Variants in NYAP2 observed in about 807,000 individuals in gnomAD.
The protein encoded by NYAP2 is neuronal tyrosine-phosphorylated phosphoinositide-3-kinase adapter 2.
Under a neutral mutation model 50.4 loss-of-function variants are expected in NYAP2, and 23 were observed. That is an observed-to-expected ratio of 0.46 (90% confidence interval 0.33 to 0.65). The LOEUF is 0.65. Ranked by LOEUF, NYAP2 falls within the 30% of genes least tolerant of loss-of-function variation. NYAP2 has a pLI of 0.02. For synonymous variants in NYAP2, 394 were observed against 365.2 expected, an observed-to-expected ratio of 1.08 and a Z score of -0.90; for missense variants, 885 against 861.0, an observed-to-expected ratio of 1.03 and a Z score of -0.35.
chr2:225,440,378 C>G (rs557027838), intron 3 of NYAP2, among the ~76,000 whole-genome samples: 6 of 152,064 alleles, frequency 3.9e-5, no homozygotes, highest in Non-Finnish European at 7.4e-5. Context: ...CTGGTTTTAC[C>G]TGAATAATTT....
At chr2:225,497,371 C>A (rs992436133) in intron 3 of NYAP2, among the ~76,000 whole-genome samples, 1 of 152,260 alleles carries the variant, frequency 6.6e-6, no homozygotes, top group Non-Finnish European at 1.5e-5. Context: ...TCTTAAGTAG[C>A]GTCTTTAGTG....
rs367937251 is a variant in NYAP2, at chr2:225,457,722, AAC to A, written c.221+48625_221+48626del. 4.0e-4 allele frequency among the ~76,000 whole-genome samples: 61 copies of A among 152,338 alleles called. 2 individuals are homozygous for A. Among genetic ancestry groups the A allele is most frequent in the African/African-American group, 1.4e-3 (57 of 41,576 alleles). On this transcript the variant is annotated intron_variant, in intron 3 of 6. Coordinates refer to ENST00000636099, the Ensembl canonical transcript of NYAP2. Reference sequence around the variant, plus strand: ...TATTGGCCCCAAGAGTGTATTTGTGAACACAGAGAGATAAATGTAATTCATTA... The same window carrying A: ...TATTGGCCCCAAGAGTGTATTTGTGAACAGAGAGATAAATGTAATTCATTA...
chr2:225,525,894 C>T (rs756462051), intron 4 of NYAP2, among the ~76,000 whole-genome samples: 3 of 152,114 alleles, frequency 2.0e-5, no homozygotes, highest in Non-Finnish European at 2.9e-5. Flanking sequence ...ATCTTTGGAC[C>T]TGAGGCACAG....
intron 3 of NYAP2, among the ~76,000 whole-genome samples, chr2:225,409,417 C>A (rs1694995672): frequency 6.6e-6 from 1 of 152,038 alleles, no homozygotes; most frequent in South Asian, 2.1e-4. Flanking sequence ...ACACACAAAC[C>A]TTTTAATAGC....
intron 3 of NYAP2, among the ~76,000 whole-genome samples, chr2:225,504,526 A>G (rs1251800027): frequency 6.6e-6 from 1 of 152,156 alleles, no homozygotes; most frequent in Non-Finnish European, 1.5e-5. Context: ...ATTTTACTTT[A>G]TAACAACCCT....
At chr2:225,635,023 T>A (rs544264888) in intron 6 of NYAP2, among the ~76,000 whole-genome samples, 9 of 152,210 alleles carry the variant, frequency 5.9e-5, no homozygotes, top group Non-Finnish European at 1.2e-4. Flanking sequence ...CTAAAACATA[T>A]TTCCCGTACT....
At chr2:225,619,978 A>C (rs1288738146) in intron 5 of NYAP2, among the ~76,000 whole-genome samples, 1 of 152,232 alleles carries the variant, frequency 6.6e-6, no homozygotes, top group East Asian at 1.9e-4. Flanking sequence ...TCATTCACTG[A>C]ATAGAGGATA....
intron 4 of NYAP2, among the ~76,000 whole-genome samples, chr2:225,529,602 G>C (rs914570319): frequency 6.6e-6 from 1 of 152,212 alleles, no homozygotes; most frequent in African/African-American, 2.4e-5. Flanking sequence ...TGGGAAGACA[G>C]GCATGAACTA....
chr2:225,425,012 T>C (rs976595824), intron 3 of NYAP2, among the ~76,000 whole-genome samples: 8 of 152,226 alleles, frequency 5.3e-5, no homozygotes, highest in Admixed American at 5.2e-4. Context: ...TATAGAAACA[T>C]TGGTTTTCTA....
intron 4 of NYAP2, among the ~76,000 whole-genome samples, chr2:225,530,806 G>A (rs776840665): frequency 6.6e-6 from 1 of 152,132 alleles, no homozygotes; most frequent in African/African-American, 2.4e-5. Flanking sequence ...TGACACCCAA[G>A]TTAGACATGC....
intron 3 of NYAP2, among the ~76,000 whole-genome samples, chr2:225,442,513 A>G (rs1330470250): frequency 6.6e-6 from 1 of 152,174 alleles, no homozygotes; most frequent in Non-Finnish European, 1.5e-5. Context: ...TCATACTTCT[A>G]TGAAGAAATA....
chr2:225,471,176 T>G (rs1359433607), intron 3 of NYAP2, among the ~76,000 whole-genome samples: 1 of 152,238 alleles, frequency 6.6e-6, no homozygotes, highest in Non-Finnish European at 1.5e-5. Context: ...TCTGCATTAC[T>G]GCATGTACTA....
At chr2:225,699,081 C>T in the NYAP2 span, 1 of 151,806 alleles carries the variant, frequency 6.6e-6, no homozygotes, top group African/African-American at 2.4e-5. Flanking sequence ...TTTTAAGTTT[C>T]AAGGGTTTGA....
chr2:225,695,957 G>T, the NYAP2 span, among the ~76,000 whole-genome samples: 1 of 151,878 alleles, frequency 6.6e-6, no homozygotes, highest in Non-Finnish European at 1.5e-5. Flanking sequence ...TTATCTGAGA[G>T]TATCATCTTC....
the NYAP2 span, among the ~76,000 whole-genome samples, chr2:225,677,265 T>C: frequency 6.6e-6 from 1 of 152,176 alleles, no homozygotes; most frequent in Non-Finnish European, 1.5e-5. Context: ...TGATTTTGTA[T>C]CCTGAAACTT....
chr2:225,548,236 C>T (rs1230865016), intron 4 of NYAP2, among the ~76,000 whole-genome samples: 1 of 150,720 alleles, frequency 6.6e-6, no homozygotes, highest in African/African-American at 2.4e-5. Flanking sequence ...CCTGTAAGCA[C>T]AATAAAAGCC....
At chr2:225,524,963 G>GC (rs1691126772) in intron 4 of NYAP2, among the ~76,000 whole-genome samples, 1 of 152,060 alleles carries the variant, frequency 6.6e-6, no homozygotes, top group Non-Finnish European at 1.5e-5. Flanking sequence ...CATACAAGCA[G>GC]CCAATAAACA....
chr2:225,658,669 T>C (rs190657363), downstream of NYAP2, among the ~76,000 whole-genome samples: 6 of 152,346 alleles, frequency 3.9e-5, no homozygotes, highest in East Asian at 1.2e-3. Flanking sequence ...TTTATAAAAA[T>C]GTTAGGCTTT....
At chr2:225,699,800 A>C in the NYAP2 span, 1 of 151,830 alleles carries the variant, frequency 6.6e-6, no homozygotes, top group Admixed American at 6.6e-5. Context: ...AATTTTATGT[A>C]GTGGTGAAAT....
Sources: allele counts gnomAD v4.1 joint callset (sites outside exome capture counted in the v4.1 genomes callset), GRCh38; gene constraint gnomAD v4.1.1; transcripts MANE v1.5; gene names NCBI Gene and HGNC (gene_info 2026-07-23, HGNC 2026-07-21).